The following SPEF2 variants were observed in gnomAD, a reference collection of about 807,000 sequenced individuals.
The protein encoded by SPEF2 is sperm flagellar and cilia associated 2.
In SPEF2, 187 loss-of-function variants were observed where a neutral mutation model predicts 224.6. The ratio of observed to expected loss-of-function variants is 0.83; its 90% confidence interval spans 0.74 to 0.94. SPEF2 has a LOEUF of 0.94. SPEF2 is among the 40% of genes least tolerant of loss of function. The pLI is 0.00. For missense variants in SPEF2, 2,170 were observed against 2,135.6 expected (o/e 1.02, Z -0.32); for synonymous variants, 715 against 707.3 (o/e 1.01, Z -0.17).
chr5:35,708,629 C>CTGT (rs1740379184), intron 18 of SPEF2, among the ~76,000 whole-genome samples: 1 of 152,064 alleles, frequency 6.6e-6, no homozygotes, highest in Admixed American at 6.5e-5. Flanking sequence ...ACCTCCACCA[C>CTGT]CATCACCTCT....
At chr5:35,637,782 C>T (rs1172995310) in intron 2 of SPEF2, among the ~76,000 whole-genome samples, 1 of 152,136 alleles carries the variant, frequency 6.6e-6, no homozygotes, top group Non-Finnish European at 1.5e-5. Flanking sequence ...CTCAGCCCTT[C>T]GCTCCCTCTG....
intron 23 of SPEF2, among the ~76,000 whole-genome samples, chr5:35,748,282 A>G (rs1427670741): frequency 1.3e-5 from 2 of 152,118 alleles, no homozygotes; most frequent in African/African-American, 2.4e-5. Flanking sequence ...CTAGAAAAAC[A>G]AGAACAAACC....
intron 1 of SPEF2, among the ~76,000 whole-genome samples, chr5:35,623,778 G>A (rs1227543175): frequency 6.6e-6 from 1 of 152,136 alleles, no homozygotes; most frequent in Non-Finnish European, 1.5e-5. Flanking sequence ...TTAAAGATCT[G>A]TTATTTACAG....
intron 25 of SPEF2, among the ~76,000 whole-genome samples, 191 bp downstream of exon 25, chr5:35,759,910 C>A (rs1750990875): frequency 6.6e-6 from 1 of 151,724 alleles, no homozygotes; most frequent in Non-Finnish European, 1.5e-5. Flanking sequence ...TATACATTAT[C>A]CAATTTATAG....
At chr5:35,664,844 G>GAGAA (rs57401513) in intron 8 of SPEF2, among the ~76,000 whole-genome samples, 150,125 of 150,576 alleles carry the variant, frequency 1, 74,844 homozygotes, top group Non-Finnish European at 1. Flanking sequence ...GGAGGAGAGA[G>GAGAA]AGAAAACGAG....
At chr5:35,700,917 G>C (rs1738490382) in intron 16 of SPEF2, among the ~76,000 whole-genome samples, 165 bp downstream of exon 16, 1 of 152,194 alleles carries the variant, frequency 6.6e-6, no homozygotes, top group Non-Finnish European at 1.5e-5. Context: ...TTGACTGTTA[G>C]CATTCAGCGC....
intron 30 of SPEF2, among the ~76,000 whole-genome samples, chr5:35,785,837 A>T (rs1165244666): frequency 2.6e-5 from 4 of 151,260 alleles, no homozygotes; most frequent in African/African-American, 9.7e-5. Context: ...GAGTACAGCC[A>T]TGAGCTACCA....
intron 2 of SPEF2, among the ~76,000 whole-genome samples, chr5:35,634,496 C>T (rs1745557840): frequency 6.7e-6 from 1 of 150,106 alleles, no homozygotes; most frequent in South Asian, 2.1e-4. Flanking sequence ...TGTGACTAAC[C>T]TACTGCAGTT....
chr5:35,710,494 T>C (rs1580390849), intron 19 of SPEF2: 5 of 746,982 alleles, frequency 6.7e-6, no homozygotes, highest in Non-Finnish European at 8.2e-6. Flanking sequence ...GAGGCGGAGG[T>C]TGCAGTGAGC....
intron 30 of SPEF2, among the ~76,000 whole-genome samples, chr5:35,782,496 T>G (rs886259961): frequency 6.6e-6 from 1 of 152,216 alleles, no homozygotes; most frequent in Non-Finnish European, 1.5e-5. Context: ...TAACAGCCAT[T>G]ATGTTACTAG....
chr5:35,619,334 A>G (rs1189024245), intron 1 of SPEF2, among the ~76,000 whole-genome samples: 2 of 152,238 alleles, frequency 1.3e-5, no homozygotes, highest in Non-Finnish European at 2.9e-5. Flanking sequence ...CTCTTCTAAA[A>G]GAAAAGCAGT....
rs1191984994 is a variant in SPEF2, at chr5:35,807,239, G to A, written c.5365G>A (p.Asp1789Asn). ...FIQDLISNYS[D>N]YKFPDIKIIL... ...TCAAGACCTGATTTCAAATTATTCA[G>A]ACTATAAGTTTCCTGTGAGTATTAC... The change falls in exon 36 of 37, where the codon GAC becomes AAC. Residue 1789 changes from aspartate (D) to asparagine (N), a missense_variant. Asp to Asn is a conservative substitution (Grantham distance 23). Coordinates refer to ENST00000356031, the MANE Select transcript of SPEF2 (RefSeq NM_024867.4). The A allele has an allele frequency of 6.2e-7, 1 of 1,612,496 alleles. No individual in the cohort carries two copies.
At chr5:35,722,313 C>T (rs1364345744) in intron 20 of SPEF2, among the ~76,000 whole-genome samples, 2 of 151,710 alleles carry the variant, frequency 1.3e-5, no homozygotes, top group South Asian at 2.1e-4. Context: ...CAGGGAGCAT[C>T]GGGGAGCTGA....
At chr5:35,807,382 G>A in intron 36 of SPEF2, 129 bp downstream of exon 36, 1 of 1,352,814 alleles carries the variant, frequency 7.4e-7, no homozygotes, top group South Asian at 1.4e-5. Context: ...AGAATCTGGA[G>A]AAGCTAAGCT....
intron 2 of SPEF2, among the ~76,000 whole-genome samples, chr5:35,635,402 A>C (rs1745696207): frequency 6.6e-6 from 1 of 152,140 alleles, no homozygotes; most frequent in Admixed American, 6.5e-5. Context: ...TAGTGCTTGC[A>C]GCTATAGCAT....
chr5:35,634,775 CG>C (rs1745595749), intron 2 of SPEF2, among the ~76,000 whole-genome samples: 1 of 151,998 alleles, frequency 6.6e-6, no homozygotes, highest in Non-Finnish European at 1.5e-5. Context: ...CATATCTATT[CG>C]TACCTATTGC....
chr5:35,788,082 A>G, intron 30 of SPEF2: 1 of 702,896 alleles, frequency 1.4e-6, no homozygotes, highest in Non-Finnish European at 2.6e-6. Flanking sequence ...AATTTTTTTT[A>G]TGGTACTGAC....
intron 20 of SPEF2, among the ~76,000 whole-genome samples, chr5:35,722,847 G>A (rs1026225718): frequency 1.3e-5 from 2 of 151,840 alleles, no homozygotes; most frequent in African/African-American, 4.8e-5. Context: ...AGTATTCCAT[G>A]GTTTTGAGTC....
At chr5:35,709,551 C>T (rs1740681857) in intron 19 of SPEF2, 1 of 987,040 alleles carries the variant, frequency 1.0e-6, no homozygotes, top group East Asian at 1.1e-4. Flanking sequence ...TAACAGCAAC[C>T]ATTAGAACTA....
Sources: gnomAD v4.1 joint callset for allele counts (sites outside exome capture counted in the v4.1 genomes callset) on GRCh38, gnomAD v4.1.1 for gene constraint, MANE v1.5 for transcripts, NCBI Gene and HGNC (gene_info 2026-07-23, HGNC 2026-07-21) for gene names.